ATP2A3: variants seen among roughly 807,000 people sequenced by gnomAD.
The protein encoded by ATP2A3 is sarcoplasmic/endoplasmic reticulum calcium ATPase 3.
Under a neutral mutation model 106.8 loss-of-function variants are expected in ATP2A3, and 61 were observed. The ratio of observed to expected loss-of-function variants is 0.57; its 90% CI spans 0.46 to 0.71. The LOEUF (loss-of-function observed/expected upper bound fraction) is 0.71, where lower values mean the gene tolerates loss of function less well. Among genes scored for constraint, ATP2A3 ranks in the 30% least tolerant of loss-of-function variants. The pLI is 0.00. For missense variants in ATP2A3, 1,201 were observed against 1,423.5 expected, an observed-to-expected ratio of 0.84 and a Z score of 2.52; for synonymous variants, 611 against 609.3, an observed-to-expected ratio of 1.00 and a Z score of -0.04.
intron 4 of ATP2A3, 23 bp downstream of exon 4, chr17:3,951,558 G>GGCCCC: frequency 2.8e-6 from 2 of 716,218 alleles, no homozygotes; most frequent in Non-Finnish European, 4.3e-6. Flanking sequence ...CCCCCGCCCG[G>GGCCCC]TCCCACCCCC....
chr17:3,924,477 C>T lies in ATP2A3; in HGVS notation c.*945G>A, dbSNP rs2052601899. 7.4e-6 allele frequency: 2 copies of T among 270,728 alleles called. No homozygotes were observed. The highest frequency in any genetic ancestry group is 1.2e-4 in the East Asian group (1 of 8,002). 16.8% of individuals were successfully genotyped at this position (270,728 alleles called of 1,614,324 possible). ...AAGAGTCCAGGAAGCCCACCAGGCTCAGAGGCCCCCAGCTGTGCAGACAGC... is the reference window on the plus strand; with the variant it reads ...AAGAGTCCAGGAAGCCCACCAGGCTTAGAGGCCCCCAGCTGTGCAGACAGC... On this transcript the variant is annotated 3_prime_UTR_variant, in exon 21 of 21. Coordinates refer to ENST00000397041, the MANE Select transcript of ATP2A3 (RefSeq NM_005173.4). This position sits in a 1 kb window ranked among gnomAD's most constrained non-coding sequence, Gnocchi z 6.4.
Position 3,944,916 on chromosome 17 carries a change from AAG to A in ATP2A3, c.1185-112_1185-111del, listed in dbSNP as rs1567703296. ...CTCCGCCTCTTGGCCCCGCCCCCAG[AAG>A]GGCTCCGCCTCCTGGCCCCGCCCCG... On this transcript the variant is annotated intron_variant, in intron 9 of 20. Transcript: ENST00000397041. The A allele has an allele frequency of 2.2e-5, 29 of 1,309,510 alleles. No individual in the cohort carries two copies. In the African/African-American group the frequency reaches 4.2e-4, roughly 19 times the overall value. The allele number at this position is 1,309,510 out of a possible 1,614,324, so 81.1% of individuals were successfully genotyped here. A position where few individuals can be genotyped will look rare whatever the true frequency, so the allele number is the denominator to read the frequency against.
Position 3,931,801 on chromosome 17 carries a change from G to A in ATP2A3, c.2611-1367C>T, listed in dbSNP as rs188361467. ...CTCCCAAAGTGCTGGGATTACAGGC[G>A]TGAGCCACCGCGCCCGGCCATGGAG... On this transcript the variant is annotated intron_variant, in intron 17 of 20. Transcript: ENST00000397041. Among the ~76,000 whole-genome samples the A allele has an allele frequency of 8.7e-3, 1,331 of 152,306 alleles. 8 individuals carry two copies. The highest frequency in any genetic ancestry group is 0.027 in the Middle Eastern group (8 of 294).
In ATP2A3 at chr17:3,927,068, C is replaced by T. The variant is rs140653899; in HGVS notation, c.2980+1595G>A. Reference sequence around the variant, plus strand: ...ACATCTGTGCTCACCCAGCCCTGTTCCACCAGGTTCAATCCTGTTCTTTCC... The same window carrying T: ...ACATCTGTGCTCACCCAGCCCTGTTTCACCAGGTTCAATCCTGTTCTTTCC... On this transcript the variant is annotated intron_variant, in intron 20 of 20. Coordinates refer to ENST00000397041, the MANE Select transcript of ATP2A3 (RefSeq NM_005173.4). The T allele has an allele frequency of 2.4e-5, 24 of 985,474 alleles. 1 individual carries two copies. In the East Asian group the frequency reaches 2.7e-3, roughly 112 times the overall value. The allele number at this position is 985,474 out of a possible 1,614,324, so 61.0% of individuals were successfully genotyped here.
In ATP2A3 at chr17:3,929,539, C is replaced by T. The variant is rs1033587777; in HGVS notation, c.2745-94G>A. The T allele has an allele frequency of 2.9e-5, 31 of 1,084,028 alleles. No individual in the cohort carries two copies. The highest frequency in any genetic ancestry group is 9.4e-5 in the African/African-American group (6 of 63,660). The allele number at this position is 1,084,028 out of a possible 1,614,324, so 67.2% of individuals were successfully genotyped here. ...GGGAGGAGCCTCACCACTTCTCTAG[C>T]GGTGCATTGCTGTTGCCCGCTCGGC... On this transcript the variant is annotated intron_variant, in intron 18 of 20. Coordinates refer to ENST00000397041, the MANE Select transcript of ATP2A3 (RefSeq NM_005173.4). This position sits in a 1 kb window ranked among gnomAD's most constrained non-coding sequence, Gnocchi z 4.3.
chr17:3,927,170 C>T (rs2052754264), intron 20 of ATP2A3: 3 of 985,328 alleles, frequency 3.0e-6, no homozygotes, highest in Non-Finnish European at 3.6e-6. Flanking sequence ...CCTCCCAGCC[C>T]TCCTAGCCTG....
At chr17:3,937,334 C>G in intron 15 of ATP2A3, 82 bp downstream of exon 15, 1 of 1,466,432 alleles carries the variant, frequency 6.8e-7, no homozygotes, top group Non-Finnish European at 9.4e-7. Context: ...CCCTGCAGCG[C>G]ATCCGAGGAA....
chr17:3,951,543 A>T, intron 4 of ATP2A3, 38 bp downstream of exon 4: 14 of 1,386,980 alleles, frequency 1.0e-5, no homozygotes, highest in Non-Finnish European at 1.4e-5. Flanking sequence ...TGGCTGGGAG[A>T]CCGCCCCCCG....
rs892305496 is a variant in ATP2A3, at chr17:3,926,000, C to T, written c.2981-559G>A. Among the ~76,000 whole-genome samples, 1 of 152,112 alleles carries T rather than the reference C, an allele frequency of 6.6e-6. No individual in the cohort carries two copies. Among genetic ancestry groups the T allele is most frequent in the African/African-American group, 2.4e-5 (1 of 41,406 alleles). ...GTCCTCAGAGTAAAGTCTAAGCCCG[C>T]CTGTAACCTCCCAGATCTGTCCCCA... is the stretch of plus-strand genomic sequence containing the variant. On this transcript the variant is annotated intron_variant, in intron 20 of 20. Transcript: ENST00000397041. The surrounding 1 kb of genome is among the most constrained non-coding windows in gnomAD (Gnocchi z 4.2).
At chr17:3,945,025 C>G in intron 9 of ATP2A3, 35 bp downstream of exon 9, 2 of 1,474,272 alleles carry the variant, frequency 1.4e-6, no homozygotes, top group Non-Finnish European at 1.8e-6. Flanking sequence ...CGCCCCCAGG[C>G]CGCCCGCCCG....
At chr17:3,950,158 A>T (rs1014932289) in intron 7 of ATP2A3, among the ~76,000 whole-genome samples, 7 of 144,586 alleles carry the variant, frequency 4.8e-5, no homozygotes, top group African/African-American at 1.9e-4. Flanking sequence ...CCAGAAAAAA[A>T]AATATTTTTT....
rs2053990578 is a variant in ATP2A3, at chr17:3,944,738, G to A, written c.1253C>T (p.Ala418Val). 6.2e-7 allele frequency: 1 copy of A among 1,613,222 alleles called. No individual in the cohort carries two copies. The highest frequency in any genetic ancestry group is 1.7e-5 in the Admixed American group (1 of 59,934). The stretch of plus-strand genomic sequence containing the variant: ...GTCCAGAGCCGAGTCGTTGCACAGG[G>A]CGCAGATGGTCGCCAGCTCCACCAG... ...DGLVELATICALCNDSALDYN... is the reference protein window; with the variant it reads ...DGLVELATICVLCNDSALDYN... Residue 418 changes from alanine (A) to valine (V), a missense_variant, in exon 10 of 21, where the codon GCC becomes GTC. By Grantham distance (64) the Ala-to-Val change is moderately conservative. Coordinates refer to ENST00000397041, the MANE Select transcript of ATP2A3 (RefSeq NM_005173.4).
intron 5 of ATP2A3, 64 bp from the exon 6 acceptor site, chr17:3,950,837 AG>A: frequency 6.6e-7 from 1 of 1,519,784 alleles, no homozygotes; most frequent in Non-Finnish European, 9.0e-7. Context: ...AAAAGCCAGA[AG>A]GGTTCCCAGA....
At chr17:3,957,769 G>A (rs757508846) in intron 1 of ATP2A3, among the ~76,000 whole-genome samples, 4 of 152,202 alleles carry the variant, frequency 2.6e-5, no homozygotes, top group Non-Finnish European at 4.4e-5. Context: ...TTGAAATGGC[G>A]GCCTTGGGCC....
At chr17:3,951,546 G>GCCCCCCCCCCCCGGCCCC in intron 4 of ATP2A3, 35 bp downstream of exon 4, 9 of 1,319,562 alleles carry the variant, frequency 6.8e-6, no homozygotes, top group Non-Finnish European at 9.4e-6. Context: ...CTGGGAGACC[G>GCCCCCCCCCCCCGGCCCC]CCCCCCGCCC....
intron 8 of ATP2A3, among the ~76,000 whole-genome samples, chr17:3,946,854 G>A (rs1158727362): frequency 6.6e-6 from 1 of 152,232 alleles, no homozygotes; most frequent in Non-Finnish European, 1.5e-5. Flanking sequence ...TGCCCCATGG[G>A]CCTGCTGAAG....
Position 3,955,086 on chromosome 17 carries a change from C to T in ATP2A3, c.119-1376G>A, listed in dbSNP as rs570129569. Among the ~76,000 whole-genome samples the T allele has an allele frequency of 2.7e-4, 41 of 152,336 alleles. No individual in the cohort carries two copies. In the South Asian group the frequency reaches 8.5e-3, roughly 32 times the overall value. ...CTTCCCAGGCCGCAGTCTAACTGAG[C>T]CCTGCCTCCTCTTGTCTCTTGCCAC... On this transcript the variant is annotated intron_variant, in intron 1 of 20. Transcript: ENST00000397041. This position sits in a 1 kb window ranked among gnomAD's most constrained non-coding sequence, Gnocchi z 4.2.
Position 3,929,935 on chromosome 17 carries a change from C to G in ATP2A3, c.2744+366G>C, listed in dbSNP as rs1413279581. 1.3e-5 allele frequency among the ~76,000 whole-genome samples: 2 copies of G among 151,558 alleles called. No individual in the cohort carries two copies. The highest frequency in any genetic ancestry group is 2.9e-5 in the Non-Finnish European group (2 of 67,860). On this transcript the variant is annotated intron_variant, in intron 18 of 20. Transcript: ENST00000397041. The surrounding 1 kb of genome is among the most constrained non-coding windows in gnomAD (Gnocchi z 4.3). ...CCTGAACCCCCCAAACATCAGACCC[C>G]AACCTGAACCCCTTGACCCCAGACC...
intron 14 of ATP2A3, among the ~76,000 whole-genome samples, chr17:3,940,601 G>A (rs1370628356): frequency 7.2e-5 from 11 of 152,062 alleles, no homozygotes; most frequent in African/African-American, 2.4e-4. Flanking sequence ...TCTGCCTCCC[G>A]GATTCAAGTG....
Sources: allele counts gnomAD v4.1 joint callset (sites outside exome capture counted in the v4.1 genomes callset), GRCh38; gene constraint gnomAD v4.1.1; non-coding constraint Gnocchi (gnomAD v3.1); transcripts MANE v1.5; gene names NCBI Gene and HGNC (gene_info 2026-07-23, HGNC 2026-07-21).